POFUT3: variants seen among roughly 807,000 people sequenced by gnomAD.
The protein encoded by POFUT3 is GDP-fucose protein O-fucosyltransferase 3.
chr8:33,416,847 A>AG, the POFUT3 span, among the ~76,000 whole-genome samples: 7 of 151,656 alleles, frequency 4.6e-5, no homozygotes, highest in South Asian at 1.2e-3. Context: ...AAAAAAAAAA[A>AG]AAAGAAAGAA....
At chr8:33,373,284 T>C in the POFUT3 span, among the ~76,000 whole-genome samples, 1 of 152,298 alleles carries the variant, frequency 6.6e-6, no homozygotes, top group South Asian at 2.1e-4. Flanking sequence ...TATACTTATA[T>C]GTTATTGTAT....
chr8:33,394,921 G>A, the POFUT3 span, among the ~76,000 whole-genome samples: 1 of 152,206 alleles, frequency 6.6e-6, no homozygotes, highest in Non-Finnish European at 1.5e-5. Context: ...CACAGAGTCA[G>A]CTTAGTACTT....
At chr8:33,467,096 A>G in the POFUT3 span, among the ~76,000 whole-genome samples, 1 of 151,034 alleles carries the variant, frequency 6.6e-6, no homozygotes, top group East Asian at 1.9e-4. Flanking sequence ...ACAGAGCGAG[A>G]CTCTGTCTCA....
chr8:33,311,808 G>A, the POFUT3 span, among the ~76,000 whole-genome samples: 1 of 152,048 alleles, frequency 6.6e-6, no homozygotes, highest in African/African-American at 2.4e-5. Context: ...TGTTTTTGTG[G>A]TGGATAGAAT....
chr8:33,437,018 C>T, the POFUT3 span, among the ~76,000 whole-genome samples: 1 of 152,172 alleles, frequency 6.6e-6, no homozygotes, highest in African/African-American at 2.4e-5. Flanking sequence ...GCAGTATCTG[C>T]TCCTGCATTA....
chr8:33,386,072 C>G, the POFUT3 span, among the ~76,000 whole-genome samples: 1 of 151,382 alleles, frequency 6.6e-6, no homozygotes, highest in South Asian at 2.1e-4. Context: ...GCTTGTAATC[C>G]CAGCTGCTCG....
the POFUT3 span, among the ~76,000 whole-genome samples, chr8:33,441,662 C>T: frequency 3.3e-5 from 5 of 151,540 alleles, no homozygotes; most frequent in South Asian, 2.1e-4. Flanking sequence ...ATTACAGGCA[C>T]GAGCCACTGC....
At chr8:33,389,733 G>A in the POFUT3 span, 1 of 1,614,156 alleles carries the variant, frequency 6.2e-7, no homozygotes, top group African/African-American at 1.3e-5. Context: ...GACTCTTCAT[G>A]AAAAACAGCC....
chr8:33,453,138 C>G, the POFUT3 span: 1 of 1,450,302 alleles, frequency 6.9e-7, no homozygotes, highest in Non-Finnish European at 9.6e-7. Context: ...TCCACCATCA[C>G]TTTTCAGAGG....
At chr8:33,353,882 G>A in the POFUT3 span, among the ~76,000 whole-genome samples, 5 of 152,136 alleles carry the variant, frequency 3.3e-5, no homozygotes, top group African/African-American at 1.2e-4. Flanking sequence ...TCAAAACTAA[G>A]ACTTTGGCCT....
the POFUT3 span, among the ~76,000 whole-genome samples, chr8:33,416,717 A>G: frequency 2.0e-5 from 3 of 151,554 alleles, no homozygotes; most frequent in Admixed American, 2.0e-4. Flanking sequence ...GTGGTGCCGC[A>G]TGCCTGTAAT....
At chr8:33,455,484 A>G in the POFUT3 span, among the ~76,000 whole-genome samples, 1 of 152,192 alleles carries the variant, frequency 6.6e-6, no homozygotes, top group African/African-American at 2.4e-5. Flanking sequence ...TGATTGCACC[A>G]CTGTACAGCA....
chr8:33,386,671 G>T, the POFUT3 span, among the ~76,000 whole-genome samples: 1 of 152,040 alleles, frequency 6.6e-6, no homozygotes, highest in East Asian at 1.9e-4. Context: ...TTAGCCAGGC[G>T]TGGTGGCGGG....
At chr8:33,433,825 A>C in the POFUT3 span, among the ~76,000 whole-genome samples, 1 of 151,696 alleles carries the variant, frequency 6.6e-6, no homozygotes, top group Non-Finnish European at 1.5e-5. Context: ...AAAATTAACT[A>C]GGCATGGTGG....
chr8:33,471,546 G>C, the POFUT3 span, among the ~76,000 whole-genome samples: 5 of 152,060 alleles, frequency 3.3e-5, no homozygotes, highest in Non-Finnish European at 7.4e-5. Context: ...CACCGCGCCC[G>C]GCCGGCCTAC....
At chr8:33,332,768 C>T in the POFUT3 span, among the ~76,000 whole-genome samples, 1 of 152,130 alleles carries the variant, frequency 6.6e-6, no homozygotes, top group African/African-American at 2.4e-5. Flanking sequence ...GGGGCCTTAA[C>T]CATTTCTCAG....
chr8:33,470,236 C>CA, the POFUT3 span, among the ~76,000 whole-genome samples: 520 of 89,018 alleles, frequency 5.8e-3, 19 homozygotes, highest in Admixed American at 0.018. Context: ...CCCATCTCTA[C>CA]AAAAAAAAAA....
At chr8:33,330,627 C>A in the POFUT3 span, among the ~76,000 whole-genome samples, 3 of 152,198 alleles carry the variant, frequency 2.0e-5, no homozygotes, top group Non-Finnish European at 4.4e-5. Context: ...CTAACAACCT[C>A]TGTGGTGTTG....
chr8:33,314,780 T>C, the POFUT3 span, among the ~76,000 whole-genome samples: 2 of 152,206 alleles, frequency 1.3e-5, no homozygotes, highest in Non-Finnish European at 2.9e-5. Context: ...CTCAGTTGCA[T>C]GACCTTGGAA....
Sources: allele counts gnomAD v4.1 joint callset (sites outside exome capture counted in the v4.1 genomes callset), GRCh38; gene constraint gnomAD v4.1.1; transcripts MANE v1.5; gene names NCBI Gene and HGNC (gene_info 2026-07-23, HGNC 2026-07-21).